PARD3B: variants seen among roughly 807,000 people sequenced by gnomAD.
PARD3B encodes the protein partitioning defective 3 homolog B.
PARD3B carries 103 observed loss-of-function variants against 130.2 expected under a neutral mutation model. The ratio of observed to expected loss-of-function variants is 0.79; its 90% CI spans 0.67 to 0.93. The LOEUF (loss-of-function observed/expected upper bound fraction) is 0.93. Among genes scored for constraint, PARD3B ranks in the 40% least tolerant of loss-of-function variants. PARD3B has a pLI of 0.00. For synonymous variants in PARD3B, 583 were observed against 553.2 expected, an observed-to-expected ratio of 1.05 and a Z score of -0.76; for missense variants, 1,609 against 1,499.2, an observed-to-expected ratio of 1.07 and a Z score of -1.21.
intron 16 of PARD3B, among the ~76,000 whole-genome samples, chr2:205,299,992 T>G (rs1422456820): frequency 6.6e-6 from 1 of 152,220 alleles, no homozygotes; most frequent in Admixed American, 6.5e-5. Context: ...CAATGTTCTT[T>G]TATTTCCATG....
chr2:204,819,043 G>C (rs2043240656), intron 2 of PARD3B, among the ~76,000 whole-genome samples: 1 of 152,132 alleles, frequency 6.6e-6, no homozygotes, highest in Non-Finnish European at 1.5e-5. Context: ...CTCATGTTTA[G>C]CTTAATATAG....
At chr2:205,033,418 T>C (rs1697567033) in intron 3 of PARD3B, among the ~76,000 whole-genome samples, 1 of 152,190 alleles carries the variant, frequency 6.6e-6, no homozygotes, top group African/African-American at 2.4e-5. Context: ...GATAATCTAT[T>C]TCTTCCTGCT....
chr2:204,659,231 T>C (rs538300859), intron 1 of PARD3B, among the ~76,000 whole-genome samples: 86 of 152,298 alleles, frequency 5.6e-4, no homozygotes, highest in African/African-American at 1.9e-3. Flanking sequence ...TTTGACATAA[T>C]TGAACAATTG....
chr2:204,970,147 A>G (rs151232746), intron 3 of PARD3B, among the ~76,000 whole-genome samples: 330 of 152,268 alleles, frequency 2.2e-3, no homozygotes, highest in Non-Finnish European at 3.3e-3. Context: ...ACTAGTCCCT[A>G]CACTGCCTTC....
intron 2 of PARD3B, among the ~76,000 whole-genome samples, chr2:204,900,810 G>T (rs2046826317): frequency 6.6e-6 from 1 of 152,168 alleles, no homozygotes; most frequent in Non-Finnish European, 1.5e-5. Flanking sequence ...TGTAATCTAA[G>T]TTTTTGGTCA....
chr2:205,184,592 A>G (rs931187015), intron 13 of PARD3B, among the ~76,000 whole-genome samples: 8 of 152,026 alleles, frequency 5.3e-5, no homozygotes, highest in African/African-American at 1.5e-4. Context: ...AATACAAAAA[A>G]TTAGCCAGGC....
chr2:204,849,384 G>T (rs1047079188), intron 2 of PARD3B, among the ~76,000 whole-genome samples: 1 of 152,170 alleles, frequency 6.6e-6, no homozygotes, highest in African/African-American at 2.4e-5. Context: ...CAGCCATTCA[G>T]CATTGCTGTT....
chr2:205,565,818 A>C lies in PARD3B; in HGVS notation c.3260+12415A>C, dbSNP rs550346356. 5.3e-5 allele frequency among the ~76,000 whole-genome samples: 8 copies of C among 151,850 alleles called. 1 individual carries two copies. Among genetic ancestry groups the C allele is most frequent in the African/African-American group, 1.9e-4 (8 of 41,372 alleles). On this transcript the variant is annotated intron_variant, in intron 22 of 22. Transcript: ENST00000406610. ...GGATAGCGTGATAAGCCCCATAGAC[A>C]CAGTTTCTGTCCTGTGAAGTTTATA...
At chr2:205,252,048 T>C (rs963506622) in intron 16 of PARD3B, among the ~76,000 whole-genome samples, 2 of 152,174 alleles carry the variant, frequency 1.3e-5, no homozygotes, top group African/African-American at 4.8e-5. Flanking sequence ...AACTCTAGTA[T>C]TTCCACATTT....
intron 2 of PARD3B, among the ~76,000 whole-genome samples, chr2:204,771,620 A>G (rs1439784601): frequency 6.6e-6 from 1 of 152,102 alleles, no homozygotes; most frequent in African/African-American, 2.4e-5. Context: ...CATCAGCATC[A>G]TGCAATACCC....
intron 1 of PARD3B, among the ~76,000 whole-genome samples, chr2:204,621,017 T>G (rs552412712): frequency 2.0e-5 from 3 of 152,338 alleles, no homozygotes; most frequent in African/African-American, 7.2e-5. Context: ...GCTAGTGTCC[T>G]GGACATCAAA....
intron 2 of PARD3B, among the ~76,000 whole-genome samples, chr2:204,932,971 A>G (rs1044818876): frequency 3.3e-5 from 5 of 152,162 alleles, no homozygotes; most frequent in African/African-American, 7.2e-5. Flanking sequence ...GTATTATTCA[A>G]TTACCCAAAG....
intron 20 of PARD3B, among the ~76,000 whole-genome samples, chr2:205,496,990 T>C (rs764407870): frequency 6.6e-6 from 1 of 152,042 alleles, no homozygotes; most frequent in Non-Finnish European, 1.5e-5. Flanking sequence ...GTGCGTTGGA[T>C]ACAGACACCA....
chr2:205,205,343 G>C (rs931461598), intron 15 of PARD3B, among the ~76,000 whole-genome samples: 1 of 152,162 alleles, frequency 6.6e-6, no homozygotes, highest in Admixed American at 6.5e-5. Flanking sequence ...AGGGGATTTT[G>C]GGCTGAGACG....
At chr2:204,785,610 T>C (rs1002473740) in intron 2 of PARD3B, among the ~76,000 whole-genome samples, 2 of 152,232 alleles carry the variant, frequency 1.3e-5, no homozygotes, top group African/African-American at 2.4e-5. Flanking sequence ...TTATGTGTAT[T>C]GGTCTCTAGT....
At chr2:204,834,730 A>G (rs1384952239) in intron 2 of PARD3B, among the ~76,000 whole-genome samples, 5 of 152,180 alleles carry the variant, frequency 3.3e-5, no homozygotes, top group Non-Finnish European at 7.3e-5. Flanking sequence ...TAGCAAAGGG[A>G]GAGGAAATTT....
intron 2 of PARD3B, among the ~76,000 whole-genome samples, chr2:204,832,750 A>T (rs1013378500): frequency 2.6e-5 from 4 of 152,156 alleles, no homozygotes; most frequent in African/African-American, 7.2e-5. Flanking sequence ...TGTGTTCTGG[A>T]AGTATTGTGG....
intron 1 of PARD3B, among the ~76,000 whole-genome samples, chr2:204,576,961 A>G (rs530990022): frequency 5.9e-5 from 9 of 152,326 alleles, no homozygotes; most frequent in Admixed American, 2.0e-4. Context: ...GCACTAAGCT[A>G]GGGCATTGAC....
rs1365377860 is a variant in PARD3B, at chr2:205,047,697, A to G, written c.504+7A>G. ...TCTGAAACTGGTTGTTCCAGTAGGTATCCTGCTGCTTGTAGTTCTAATGAA... is the reference window on the plus strand; with the variant it reads ...TCTGAAACTGGTTGTTCCAGTAGGTGTCCTGCTGCTTGTAGTTCTAATGAA... On this transcript the variant is annotated splice_region_variant and intron_variant, in intron 4 of 22. Transcript: ENST00000406610. 21 of 1,514,300 alleles carry G rather than the reference A, an allele frequency of 1.4e-5. No individual in the cohort carries two copies. Among genetic ancestry groups the G allele is most frequent in the Non-Finnish European group, 1.8e-5 (20 of 1,113,690 alleles). 93.8% of individuals were successfully genotyped at this position (1,514,300 alleles called of 1,614,324 possible).
Sources: allele counts gnomAD v4.1 joint callset (sites outside exome capture counted in the v4.1 genomes callset), GRCh38; gene constraint gnomAD v4.1.1; transcripts MANE v1.5; gene names NCBI Gene and HGNC (gene_info 2026-07-23, HGNC 2026-07-21).